TCF20: variants seen among roughly 807,000 people sequenced by gnomAD.
TCF20 encodes the protein SPRE-binding protein.
In TCF20, 3 loss-of-function variants were observed where a neutral mutation model predicts 148.6. That is an observed-to-expected ratio of 0.02 (90% CI 0.01 to 0.05). The LOEUF is 0.05. Among genes scored for constraint, TCF20 ranks in the 10% least tolerant of loss-of-function variants. The pLI, the probability that TCF20 is intolerant of heterozygous loss-of-function variation, is 1.00. For missense variants in TCF20, 2,350 were observed against 2,429.3 expected, an observed-to-expected ratio of 0.97 and a Z score of 0.69; for synonymous variants, 1,049 against 909.5, an observed-to-expected ratio of 1.15 and a Z score of -2.76.
rs185325439 is a variant in TCF20 at position 42,297,586 on chromosome 22, G to A, written c.-37+45893C>T. Among the ~76,000 whole-genome samples the A allele has an allele frequency of 6.6e-5, 10 of 152,330 alleles. No individual in the cohort carries two copies. In the East Asian group the frequency reaches 1.9e-3, roughly 29 times the overall value. On this transcript the variant is annotated intron_variant, in intron 1 of 1. Coordinates refer to the TCF20 transcript ENST00000515426. This position sits in a 1 kb window ranked among gnomAD's most constrained non-coding sequence, Gnocchi z 4.3. ...GCAGTTCACAGGGTCAGCCATGAAA[G>A]CCCATGATCCCTGAGCCTCGAGCTC...
Position 42,317,211 on chromosome 22 carries a change from T to C in TCF20, c.-37+26268A>G, listed in dbSNP as rs575202334. Among the ~76,000 whole-genome samples, 6 of 152,182 alleles carry C rather than the reference T, an allele frequency of 3.9e-5. No individual in the cohort carries two copies. Among genetic ancestry groups the C allele is most frequent in the African/African-American group, 1.4e-4 (6 of 41,528 alleles). ...GGCACACCCTCAACATTTGCTGAAA[T>C]GAATAAATTATCTCATTTAGCCACA... On this transcript the variant is annotated intron_variant, in intron 1 of 1. Coordinates refer to the TCF20 transcript ENST00000515426. The surrounding 1 kb of genome is among the most constrained non-coding windows in gnomAD (Gnocchi z 4.2).
chr22:42,180,964 ATAATCAG>A (rs2147098216), intron 2 of TCF20, among the ~76,000 whole-genome samples: 1 of 152,350 alleles, frequency 6.6e-6, no homozygotes, highest in Non-Finnish European at 1.5e-5. Flanking sequence ...CTGGGTGCCC[ATAATCAG>A]TAAATGTTTA....
intron 2 of TCF20, among the ~76,000 whole-genome samples, chr22:42,207,598 C>G (rs1938474382): frequency 6.6e-6 from 1 of 151,576 alleles, no homozygotes; most frequent in Admixed American, 6.6e-5. Context: ...GGCGGATCAC[C>G]TGAGGTCAGG....
At chr22:42,246,333 T>TAC (rs1180054911) in intron 1 of TCF20, among the ~76,000 whole-genome samples, 1 of 151,984 alleles carries the variant, frequency 6.6e-6, no homozygotes, top group East Asian at 1.9e-4. Flanking sequence ...TTAAACTCTT[T>TAC]ACCTCACCTC....
At chr22:42,206,179 A>T (rs1481617189) in intron 2 of TCF20, among the ~76,000 whole-genome samples, 2 of 152,232 alleles carry the variant, frequency 1.3e-5, no homozygotes, top group African/African-American at 4.8e-5. Flanking sequence ...TTACACAAAA[A>T]AACTGGGCTG....
At chr22:42,283,176 C>T (rs142951877) in intron 1 of TCF20, among the ~76,000 whole-genome samples, 3 of 152,352 alleles carry the variant, frequency 2.0e-5, no homozygotes, top group Non-Finnish European at 4.4e-5. Flanking sequence ...TTTCTCTCGG[C>T]CCTCGCTCCG....
rs139144545 is a variant in TCF20, at chr22:42,212,018, C to T, written c.3288G>A (p.Glu1096=). The T allele has an allele frequency of 7.1e-5, 115 of 1,614,202 alleles. No homozygotes were observed. Among genetic ancestry groups the T allele is most frequent in the Non-Finnish European group, 8.8e-5 (104 of 1,180,038 alleles). Residue 1096 remains glutamate (E), a synonymous_variant, in exon 2 of 6, where the codon GAG becomes GAA. Transcript: ENST00000677622. ...CAGAACCGCTGCTCCAGTCTTTATA[C>T]TCCTCTGGTTGCTGTTGGTACATCT... ...KRQMYQQQPE[E]YKDWSSGSAQ... is the part of the protein sequence containing the mutation.
intron 1 of TCF20, among the ~76,000 whole-genome samples, chr22:42,302,541 G>A (rs144970508): frequency 9.8e-4 from 150 of 152,310 alleles, no homozygotes; most frequent in African/African-American, 3.5e-3. Flanking sequence ...AGGAGGCTTT[G>A]CCAAGGTCAC....
At chr22:42,161,596 C>CTA (rs1935463901) in intron 5 of TCF20, among the ~76,000 whole-genome samples, 1 of 152,324 alleles carries the variant, frequency 6.6e-6, no homozygotes, top group East Asian at 1.9e-4. Flanking sequence ...GGGTTGGACT[C>CTA]TGAGGGCTCC....
intron 2 of TCF20, among the ~76,000 whole-genome samples, chr22:42,187,320 A>G (rs1937092965): frequency 6.6e-6 from 1 of 152,218 alleles, no homozygotes; most frequent in Admixed American, 6.5e-5. Flanking sequence ...TTCAAGCATA[A>G]TTTGAAATAA....
intron 1 of TCF20, among the ~76,000 whole-genome samples, chr22:42,225,486 C>T (rs541766888): frequency 4.0e-5 from 6 of 150,872 alleles, no homozygotes; most frequent in East Asian, 4.0e-4. Flanking sequence ...CGGTGGCGGG[C>T]GCCTGTAGTC....
intron 1 of TCF20, among the ~76,000 whole-genome samples, chr22:42,320,134 TC>T (rs1927705461): frequency 6.6e-6 from 1 of 152,100 alleles, no homozygotes; most frequent in South Asian, 2.1e-4. Flanking sequence ...CTTCTCCACT[TC>T]CATTCTCACC....
At chr22:42,164,556 T>C (rs1057030793) in intron 5 of TCF20, among the ~76,000 whole-genome samples, 13 of 152,184 alleles carry the variant, frequency 8.5e-5, no homozygotes, top group African/African-American at 3.1e-4. Context: ...ACAGACTCAC[T>C]TGGCACTAGC....
chr22:42,165,238 G>A (rs1022331665), intron 5 of TCF20, among the ~76,000 whole-genome samples: 3 of 152,262 alleles, frequency 2.0e-5, no homozygotes, highest in African/African-American at 4.8e-5. Flanking sequence ...CAAATGGACT[G>A]TGTGATGTCC....
Position 42,213,561 on chromosome 22 carries a change from G to T in TCF20, c.1745C>A (p.Thr582Asn). 1.2e-6 allele frequency: 2 copies of T among 1,614,190 alleles called. No homozygotes were observed. The highest frequency in any genetic ancestry group is 1.1e-5 in the South Asian group (1 of 91,080). The change falls in exon 2 of 6, where the codon ACC becomes AAC. Residue 582 changes from threonine (T) to asparagine (N), a missense_variant. This residue lies in a region of TCF20 where 1,641 missense variants were observed against 1,662.6 expected (regional missense o/e 0.99). Transcript: ENST00000677622. Reference protein sequence around the residue: ...NASPAAREEATSPGAKDMPLS... With the variant: ...NASPAAREEANSPGAKDMPLS... ...TGGCATGTCCTTAGCGCCTGGTGAG[G>T]TGGCCTCTTCTCTTGCGGCAGGACT...
intron 2 of TCF20, among the ~76,000 whole-genome samples, chr22:42,205,858 G>A (rs1233169340): frequency 3.3e-5 from 5 of 152,096 alleles, no homozygotes; most frequent in Non-Finnish European, 5.9e-5. Flanking sequence ...TGCAACCTCC[G>A]TCTCCTAGGC....
At chr22:42,294,285 C>T (rs574732961) in intron 1 of TCF20, among the ~76,000 whole-genome samples, 13 of 152,358 alleles carry the variant, frequency 8.5e-5, no homozygotes, top group South Asian at 2.1e-4. Flanking sequence ...TCTCAGCCCG[C>T]GACCCCGCCC....
intron 1 of TCF20, chr22:42,277,095 CCTCT>C (rs2147012518): frequency 1.3e-5 from 2 of 152,380 alleles, no homozygotes; most frequent in Admixed American, 1.3e-4. Context: ...TCTCATTCTG[CCTCT>C]CTGTCTAACT....
At chr22:42,207,464 C>A (rs561766595) in intron 2 of TCF20, among the ~76,000 whole-genome samples, 2 of 152,266 alleles carry the variant, frequency 1.3e-5, no homozygotes, top group South Asian at 2.1e-4. Context: ...GCAAGCCTGG[C>A]CCATACTGTA....
Sources: allele counts gnomAD v4.1 joint callset (sites outside exome capture counted in the v4.1 genomes callset), GRCh38; gene constraint gnomAD v4.1.1; regional missense constraint gnomAD v4.1.1; non-coding constraint Gnocchi (gnomAD v3.1); transcripts MANE v1.5; gene names NCBI Gene and HGNC (gene_info 2026-07-23, HGNC 2026-07-21).